The following LRCH2 variants were observed in gnomAD, a reference collection of about 807,000 sequenced individuals.
LRCH2 encodes leucine rich repeats and calponin homology domain containing 2, also known as leucine-rich repeat and calponin homology domain-containing protein 2.
In LRCH2, 38 loss-of-function variants were observed where a neutral mutation model predicts 68.9. The observed-to-expected ratio is 0.55, with a 90% CI of 0.43 to 0.72. The LOEUF (loss-of-function observed/expected upper bound fraction) is 0.72. LRCH2 is among the 30% of genes least tolerant of loss of function. The pLI is 0.00. For synonymous variants in LRCH2, 191 were observed against 208.1 expected, an observed-to-expected ratio of 0.92 and a Z score of 0.71; for missense variants, 528 against 572.9, an observed-to-expected ratio of 0.92 and a Z score of 0.80.
chrX:115,217,481 T>C (rs1300736001), intron 1 of LRCH2, among the ~76,000 whole-genome samples: 1 of 111,596 alleles, frequency 9.0e-6, no homozygotes, highest in Non-Finnish European at 1.9e-5. Flanking sequence ...GTGCAGTGTT[T>C]GGTTTTCTGT....
chrX:115,153,821 T>C (rs979366655), intron 12 of LRCH2, among the ~76,000 whole-genome samples: 1 of 110,400 alleles, frequency 9.1e-6, no homozygotes, highest in Non-Finnish European at 1.9e-5. Context: ...AATTTTTAAA[T>C]ATAATTCAAA....
intron 3 of LRCH2, among the ~76,000 whole-genome samples, chrX:115,181,679 A>G (rs1042824194): frequency 3.6e-5 from 4 of 112,433 alleles, no homozygotes; most frequent in African/African-American, 1.3e-4. Context: ...CCACCAATTC[A>G]ATATGTGATT....
intron 1 of LRCH2, among the ~76,000 whole-genome samples, chrX:115,217,538 T>C (rs2073049546): frequency 8.9e-6 from 1 of 111,806 alleles, no homozygotes; most frequent in Non-Finnish European, 1.9e-5. Flanking sequence ...TTCATCCATG[T>C]TCCTGCAAAG....
intron 1 of LRCH2, among the ~76,000 whole-genome samples, chrX:115,225,474 T>C (rs959189785): frequency 1.7e-4 from 19 of 111,825 alleles, no homozygotes; most frequent in African/African-American, 5.8e-4. Flanking sequence ...CGATTCCATA[T>C]GAATTAAGAA....
intron 1 of LRCH2, among the ~76,000 whole-genome samples, chrX:115,208,393 G>A (rs901675672): frequency 2.7e-5 from 3 of 112,069 alleles, no homozygotes; most frequent in Non-Finnish European, 5.6e-5. Flanking sequence ...ACAGTAGACA[G>A]ATTGCTGTGT....
At position 115,113,086 on chromosome X, in the gene LRCH2, T is replaced by A. The variant is rs1362768689; in HGVS notation, c.*130A>T. On this transcript the variant is annotated 3_prime_UTR_variant, in exon 21 of 21. Coordinates refer to ENST00000317135, the MANE Select transcript of LRCH2 (RefSeq NM_020871.4). ...GTTTAAGTTTGATGTTTCAATGTAA[T>A]TTTTTTAAAATCCTAAGGCGTGACC... 5 of 561,046 alleles carry A rather than the reference T, an allele frequency of 8.9e-6. No individual in the cohort carries two copies. The highest frequency in any genetic ancestry group is 1.3e-5 in the Non-Finnish European group (5 of 397,456). The allele number at this position is 561,046 out of a possible 1,213,427, so 46.2% of individuals were successfully genotyped here.
At chrX:115,227,078 C>T (rs1435664774) in intron 1 of LRCH2, among the ~76,000 whole-genome samples, 1 of 110,875 alleles carries the variant, frequency 9.0e-6, no homozygotes, top group Non-Finnish European at 1.9e-5. Flanking sequence ...TTGGCAGCAT[C>T]CCTTGCCTCT....
intron 1 of LRCH2, among the ~76,000 whole-genome samples, chrX:115,208,045 G>A (rs1366479317): frequency 5.4e-5 from 6 of 111,989 alleles, no homozygotes; most frequent in Non-Finnish European, 1.9e-5. Flanking sequence ...TAGGGAGTGC[G>A]GCCCTGCCAA....
At chrX:115,141,799 A>C (rs1242827601) in intron 14 of LRCH2, among the ~76,000 whole-genome samples, 1 of 106,991 alleles carries the variant, frequency 9.3e-6, no homozygotes, top group Non-Finnish European at 1.9e-5. Flanking sequence ...GCTTGAACCC[A>C]AGAGACAGAG....
At chrX:115,226,450 G>T (rs1293464076) in intron 1 of LRCH2, among the ~76,000 whole-genome samples, 1 of 111,161 alleles carries the variant, frequency 9.0e-6, no homozygotes, top group Non-Finnish European at 1.9e-5. Context: ...ATGACAATCA[G>T]ATTTGCATAT....
chrX:115,176,401 C>T (rs1384616577), intron 5 of LRCH2, among the ~76,000 whole-genome samples: 1 of 111,800 alleles, frequency 8.9e-6, no homozygotes, highest in Admixed American at 9.5e-5. Flanking sequence ...TTGTGATTTA[C>T]ATTTCCCTGA....
At chrX:115,230,607 T>A (rs1385527185) in intron 1 of LRCH2, among the ~76,000 whole-genome samples, 4 of 111,573 alleles carry the variant, frequency 3.6e-5, no homozygotes, top group Non-Finnish European at 7.5e-5. Flanking sequence ...TTTTCCCTCA[T>A]AGGAAGCCTG....
rs1366300324 is a variant in LRCH2, at chrX:115,111,427, T to C, written c.*1789A>G. 1.8e-5 allele frequency: 2 copies of C among 110,381 alleles called. No homozygotes were observed. Among genetic ancestry groups the C allele is most frequent in the African/African-American group, 6.6e-5 (2 of 30,402 alleles). The allele number at this position is 110,381 out of a possible 1,213,427, so 9.1% of individuals were successfully genotyped here. Reference sequence around the variant, plus strand: ...AGCAGTATGAATGATTGCTGTGTTTTTAATGGTCACTTAATTTGTAATGCT... The same window carrying C: ...AGCAGTATGAATGATTGCTGTGTTTCTAATGGTCACTTAATTTGTAATGCT... On this transcript the variant is annotated 3_prime_UTR_variant, in exon 21 of 21. Coordinates refer to ENST00000317135, the MANE Select transcript of LRCH2 (RefSeq NM_020871.4).
At chrX:115,130,715 T>TACA (rs2072236374) in intron 14 of LRCH2, among the ~76,000 whole-genome samples, 1 of 111,731 alleles carries the variant, frequency 9.0e-6, no homozygotes, top group African/African-American at 3.3e-5. Flanking sequence ...ATATTGATTG[T>TACA]TCAATAACTG....
chrX:115,120,731 T>C (rs1439392520), intron 20 of LRCH2, among the ~76,000 whole-genome samples: 6 of 97,885 alleles, frequency 6.1e-5, no homozygotes, highest in Non-Finnish European at 1.2e-4. Context: ...CGTATGTTTA[T>C]TGCGGCATTA....
chrX:115,140,876 T>C (rs1358148724), intron 14 of LRCH2, among the ~76,000 whole-genome samples: 6 of 110,625 alleles, frequency 5.4e-5, no homozygotes, highest in Non-Finnish European at 9.5e-5. Flanking sequence ...ACTATTAAAA[T>C]AAAAAGACAT....
intron 17 of LRCH2, 75 bp from the exon 18 acceptor site, chrX:115,123,267 G>C: frequency 2.9e-6 from 2 of 699,845 alleles, no homozygotes; most frequent in South Asian, 5.4e-5. Flanking sequence ...AAAGAGGCAT[G>C]ATGAATCAAT....
At chrX:115,192,591 CGGAGGCCGTCAA>C (rs2072853114) in intron 1 of LRCH2, 1 of 1,169,977 alleles carries the variant, frequency 8.5e-7, no homozygotes, top group Admixed American at 2.6e-5. Flanking sequence ...TGCCCAGGGG[CGGAGGCCGTCAA>C]GGAGGCCGCT....
intron 1 of LRCH2, chrX:115,198,661 TG>T: frequency 6.4e-6 from 1 of 156,227 alleles, no homozygotes; most frequent in Non-Finnish European, 1.4e-5. Context: ...AAGAAAAGGG[TG>T]GGGACACACA....
Sources: allele counts gnomAD v4.1 joint callset (sites outside exome capture counted in the v4.1 genomes callset), GRCh38; gene constraint gnomAD v4.1.1; transcripts MANE v1.5; gene names NCBI Gene and HGNC (gene_info 2026-07-23, HGNC 2026-07-21).